Variants in PDZD2 observed in about 807,000 individuals in gnomAD.
PDZD2 encodes the protein PDZ domain-containing protein 2.
PDZD2 carries 90 observed loss-of-function variants against 220.7 expected under a neutral mutation model. The observed-to-expected ratio is 0.41, with a 90% confidence interval of 0.34 to 0.49. The LOEUF is 0.49. Ranked by LOEUF, PDZD2 falls within the 20% of genes least tolerant of loss-of-function variation. PDZD2 has a pLI of 0.28. For synonymous variants in PDZD2, 1,375 were observed against 1,450.5 expected (o/e 0.95, Z 1.18); for missense variants, 3,174 against 3,608.5 (o/e 0.88, Z 3.08).
chr5:31,884,259 A>ACATACATACATACATACATCCATCCATC (rs923352259), intron 2 of PDZD2, among the ~76,000 whole-genome samples: 1 of 151,562 alleles, frequency 6.6e-6, no homozygotes, highest in African/African-American at 2.4e-5. Flanking sequence ...ATACATACAT[A>ACATACATACATACATACATCCATCCATC]CATCCTGGGT....
chr5:31,705,374 C>T (rs76128672), intron 1 of PDZD2, among the ~76,000 whole-genome samples: 1,665 of 152,088 alleles, frequency 0.011, 16 homozygotes, highest in Middle Eastern at 0.024. Flanking sequence ...AGATAGAAAA[C>T]GAAGAGAAAA....
At chr5:32,071,856 G>T (rs904195433) in intron 16 of PDZD2, among the ~76,000 whole-genome samples, 1 of 152,136 alleles carries the variant, frequency 6.6e-6, no homozygotes, top group African/African-American at 2.4e-5. Context: ...CTTTCCCATC[G>T]CATCCCCCCA....
At chr5:31,898,405 A>C (rs1252171407) in intron 2 of PDZD2, among the ~76,000 whole-genome samples, 1 of 152,242 alleles carries the variant, frequency 6.6e-6, no homozygotes, top group Admixed American at 6.5e-5. Flanking sequence ...CTTAAATAAA[A>C]TGCTGACACG....
At chr5:31,884,241 A>G (rs914742221) in intron 2 of PDZD2, among the ~76,000 whole-genome samples, 1 of 151,982 alleles carries the variant, frequency 6.6e-6, no homozygotes, top group African/African-American at 2.4e-5. Flanking sequence ...GCATACATAC[A>G]TACATACATA....
chr5:31,920,909 T>C (rs1314779785), intron 2 of PDZD2, among the ~76,000 whole-genome samples: 1 of 152,226 alleles, frequency 6.6e-6, no homozygotes, highest in African/African-American at 2.4e-5. Flanking sequence ...CTTAGTAACA[T>C]GCCTTTAAGT....
intron 10 of PDZD2, among the ~76,000 whole-genome samples, chr5:32,054,181 A>C (rs1275617386): frequency 6.6e-6 from 1 of 151,958 alleles, no homozygotes. Flanking sequence ...CCTTTCCCTG[A>C]AAATTTTGAG....
intron 2 of PDZD2, among the ~76,000 whole-genome samples, chr5:31,819,073 T>C (rs2042959): frequency 0.8 from 122,322 of 152,162 alleles, 50,308 homozygotes; most frequent in African/African-American, 0.9. Context: ...AGCTATACCC[T>C]GAGCCTCACT....
chr5:32,013,835 A>AC (rs1305030143), intron 6 of PDZD2, among the ~76,000 whole-genome samples: 2 of 152,086 alleles, frequency 1.3e-5, no homozygotes, highest in Non-Finnish European at 2.9e-5. Context: ...AGGAGGTGGA[A>AC]CCGGGCTTCA....
intron 4 of PDZD2, among the ~76,000 whole-genome samples, chr5:31,996,015 AGAT>A (rs1420795248): frequency 6.6e-6 from 1 of 152,198 alleles, no homozygotes; most frequent in Admixed American, 6.5e-5. Flanking sequence ...TAACTTGCTG[AGAT>A]GATATGAGGC....
chr5:32,002,286 A>AC (rs1752193814), intron 5 of PDZD2, among the ~76,000 whole-genome samples: 1 of 152,006 alleles, frequency 6.6e-6, no homozygotes, highest in African/African-American at 2.4e-5. Flanking sequence ...AGGCGTTGAG[A>AC]CCACTGTCCA....
intron 2 of PDZD2, among the ~76,000 whole-genome samples, chr5:31,888,136 CCTTTTCTTTTT>C (rs1190515252): frequency 2.0e-5 from 3 of 151,936 alleles, no homozygotes; most frequent in African/African-American, 7.2e-5. Flanking sequence ...TGTTTTGTTT[CCTTTTCTTTTT>C]CTTTTTTATT....
chr5:31,644,712 C>T (rs1745072276), intron 1 of PDZD2, among the ~76,000 whole-genome samples: 2 of 151,782 alleles, frequency 1.3e-5, no homozygotes, highest in South Asian at 4.1e-4. Context: ...TCCATGCATG[C>T]ATTCCCTACC....
chr5:31,924,457 G>A (rs1008567327), intron 2 of PDZD2, among the ~76,000 whole-genome samples: 4 of 152,164 alleles, frequency 2.6e-5, no homozygotes, highest in Non-Finnish European at 5.9e-5. Context: ...TCCTGAAGAC[G>A]CACTTCTTCT....
chr5:31,649,669 G>A (rs1026543597), intron 1 of PDZD2, among the ~76,000 whole-genome samples: 2 of 151,946 alleles, frequency 1.3e-5, no homozygotes, highest in Non-Finnish European at 2.9e-5. Flanking sequence ...GCGCGGCAGC[G>A]CATGCCTGTA....
At chr5:32,073,716 G>C (rs960706167) in intron 17 of PDZD2, 116 bp from the exon 18 acceptor site, 4 of 724,808 alleles carry the variant, frequency 5.5e-6, no homozygotes, top group African/African-American at 3.5e-5. Flanking sequence ...CTGAGGCTGT[G>C]TGTCTGGTGT....
At chr5:31,901,993 G>A (rs56029411) in intron 2 of PDZD2, among the ~76,000 whole-genome samples, 85,218 of 152,108 alleles carry the variant, frequency 0.56, 26,342 homozygotes, top group Middle Eastern at 0.72. Flanking sequence ...CCAGGTGATC[G>A]ATATTGGGGT....
At chr5:32,015,293 C>CTGAA (rs1430640115) in intron 6 of PDZD2, among the ~76,000 whole-genome samples, 1 of 152,070 alleles carries the variant, frequency 6.6e-6, no homozygotes. Flanking sequence ...GGTACCCAGG[C>CTGAA]TGAAGTGCAG....
intron 1 of PDZD2, among the ~76,000 whole-genome samples, chr5:31,684,274 C>G (rs1400297328): frequency 6.6e-6 from 1 of 152,070 alleles, no homozygotes; most frequent in East Asian, 1.9e-4. Flanking sequence ...TCCCATGGCC[C>G]CTGCTCATCT....
intron 2 of PDZD2, among the ~76,000 whole-genome samples, chr5:31,947,011 T>C (rs1746697355): frequency 6.6e-6 from 1 of 152,180 alleles, no homozygotes; most frequent in South Asian, 2.1e-4. Flanking sequence ...GCTAAGATGG[T>C]TCTTTTGATC....
Sources: allele counts gnomAD v4.1 joint callset (sites outside exome capture counted in the v4.1 genomes callset), GRCh38; gene constraint gnomAD v4.1.1; transcripts MANE v1.5; gene names NCBI Gene and HGNC (gene_info 2026-07-23, HGNC 2026-07-21).